The following SGTB variants were observed in gnomAD, a reference collection of about 807,000 sequenced individuals.
SGTB encodes the protein small glutamine-rich tetratricopeptide repeat-containing protein beta.
In SGTB, 19 loss-of-function variants were observed where a neutral mutation model predicts 43.9. The observed-to-expected ratio is 0.43, with a 90% CI of 0.30 to 0.63. SGTB has a LOEUF of 0.63. SGTB is among the 30% of genes least tolerant of loss of function. The probability of loss-of-function intolerance (pLI) is 0.12; values close to 1 mark genes in which losing one functional copy is unlikely to be tolerated. For missense variants in SGTB, 304 were observed against 358.9 expected, an observed-to-expected ratio of 0.85 and a Z score of 1.24; for synonymous variants, 116 against 117.3, an observed-to-expected ratio of 0.99 and a Z score of 0.07.
Position 65,704,397 on chromosome 5 carries a change from T to C in SGTB, c.275-19A>G. 3.2e-6 allele frequency: 5 copies of C among 1,554,214 alleles called. No individual in the cohort carries two copies. Among genetic ancestry groups the C allele is most frequent in the Non-Finnish European group, 4.4e-6 (5 of 1,128,460 alleles). On this transcript the variant is annotated intron_variant, in intron 4 of 10. Coordinates refer to ENST00000381007, the MANE Select transcript of SGTB (RefSeq NM_019072.3). ...TTATTGCCTAAAATAAAGTAACCAG[T>C]ATGTACAGTAAGTATAATATACATT... is the stretch of plus-strand genomic sequence containing the variant.
chr5:65,670,398 A>G, intron 10 of SGTB, 41 bp from the exon 11 acceptor site: 1 of 1,526,042 alleles, frequency 6.6e-7, no homozygotes, highest in Non-Finnish European at 9.1e-7. Context: ...GGGAATTGCC[A>G]GTCACATTTA....
At chr5:65,691,831 C>T (rs1214872086) in intron 5 of SGTB, among the ~76,000 whole-genome samples, 7 of 150,540 alleles carry the variant, frequency 4.6e-5, no homozygotes, top group Non-Finnish European at 1.0e-4. Flanking sequence ...CTCGGGAGGC[C>T]GACGCAGGAG....
At chr5:65,713,152 A>T (rs1231843749) in intron 2 of SGTB, 88 bp from the exon 3 acceptor site, 21 of 901,054 alleles carry the variant, frequency 2.3e-5, no homozygotes, top group South Asian at 1.9e-4. Flanking sequence ...CAATGTATGG[A>T]AATTCAGTAT....
intron 4 of SGTB, among the ~76,000 whole-genome samples, chr5:65,707,395 TACACAC>T (rs35011866): frequency 0.02 from 2,699 of 133,668 alleles, 77 homozygotes; most frequent in African/African-American, 0.065. Context: ...GCTGATTTTA[TACACAC>T]ACACACACAC....
chr5:65,677,493 C>G (rs1209718725), intron 8 of SGTB, among the ~76,000 whole-genome samples: 1 of 152,060 alleles, frequency 6.6e-6, no homozygotes. Context: ...TTCTATGAGG[C>G]CAACATCATC....
At chr5:65,680,592 T>G (rs772347416) in intron 7 of SGTB, 36 bp from the exon 8 acceptor site, 38 of 1,613,940 alleles carry the variant, frequency 2.4e-5, no homozygotes, top group Non-Finnish European at 3.1e-5. Flanking sequence ...CAGTCCAGTA[T>G]CTACAATTAC....
intron 5 of SGTB, among the ~76,000 whole-genome samples, chr5:65,701,323 T>C (rs1757813192): frequency 6.6e-6 from 1 of 152,080 alleles, no homozygotes. Context: ...ATAACAAGTT[T>C]CGAATGGGTT....
intron 4 of SGTB, among the ~76,000 whole-genome samples, chr5:65,706,785 T>C (rs1297069353): frequency 1.3e-5 from 2 of 151,444 alleles, no homozygotes; most frequent in Non-Finnish European, 2.9e-5. Context: ...TGAGCCAAGA[T>C]TGCACCACTG....
chr5:65,721,250 A>C (rs997888894), intron 1 of SGTB, among the ~76,000 whole-genome samples: 3 of 152,234 alleles, frequency 2.0e-5, no homozygotes, highest in African/African-American at 7.2e-5. Context: ...AAAAGTATTA[A>C]TAATGTACAC....
rs770178381 is a variant in SGTB, at chr5:65,716,620, CA to C, written c.101-3557del. On this transcript the variant is annotated intron_variant, in intron 2 of 10. Coordinates refer to ENST00000381007, the MANE Select transcript of SGTB (RefSeq NM_019072.3). The stretch of plus-strand genomic sequence containing the variant: ...ATACCCAAGTTTCTGGCCTGAGCAA[CA>C]GAAAAGATGACGCTGACATAAACAG... 2.1e-4 allele frequency among the ~76,000 whole-genome samples: 32 copies of C among 152,158 alleles called. 1 individual carries two copies. The highest frequency in any genetic ancestry group is 7.7e-4 in the East Asian group (4 of 5,184).
Position 65,671,893 on chromosome 5 carries a change from TTC to T in SGTB, c.803+20_803+21del. On this transcript the variant is annotated intron_variant, in intron 10 of 10. Coordinates refer to ENST00000381007, the MANE Select transcript of SGTB (RefSeq NM_019072.3). Reference sequence around the variant, plus strand: ...AAAACATAAAATACATCTTCACTATTTCTGTTTTAAATAATACTTACGCTTGG... The same window carrying T: ...AAAACATAAAATACATCTTCACTATTTGTTTTAAATAATACTTACGCTTGG... 6.2e-7 allele frequency: 1 copy of T among 1,607,832 alleles called. No individual in the cohort carries two copies. Among genetic ancestry groups the T allele is most frequent in the Admixed American group, 1.7e-5 (1 of 59,570 alleles).
At chr5:65,673,233 C>T (rs150395724) in intron 8 of SGTB, among the ~76,000 whole-genome samples, 1 of 152,296 alleles carries the variant, frequency 6.6e-6, no homozygotes, top group East Asian at 1.9e-4. Flanking sequence ...CAATCAAATA[C>T]ATAAAGCTTC....
At chr5:65,683,680 T>A (rs1472869965) in intron 6 of SGTB, among the ~76,000 whole-genome samples, 1 of 39,544 alleles carries the variant, frequency 2.5e-5, no homozygotes, top group Non-Finnish European at 5.7e-5. Flanking sequence ...AATAAGTTAA[T>A]AGTGGCCTGT....
chr5:65,704,367 T>A lies in SGTB; in HGVS notation c.286A>T (p.Met96Leu). 1 of 1,611,656 alleles carries A rather than the reference T, an allele frequency of 6.2e-7. No individual in the cohort carries two copies. The highest frequency in any genetic ancestry group is 8.5e-7 in the Non-Finnish European group (1 of 1,178,828). The change falls in exon 5 of 11, where the codon ATG becomes TTG. Residue 96 changes from methionine to leucine, a missense_variant. By Grantham distance (15) the Met-to-Leu change is conservative. Coordinates refer to ENST00000381007, the MANE Select transcript of SGTB (RefSeq NM_019072.3). ...GCAGCAGCATAATTTTCTTCTTTCA[T>A]GTGGTTATTGCCTAAAATAAAGTAA... ...DQLKDEGNNH[M>L]KEENYAAAVD...
chr5:65,694,693 G>T (rs891366916), intron 5 of SGTB, among the ~76,000 whole-genome samples: 1 of 151,990 alleles, frequency 6.6e-6, no homozygotes. Flanking sequence ...GGCCAGGCTG[G>T]TCTCAAACTC....
In SGTB at chr5:65,669,982, C is replaced by A; in HGVS notation, c.*264G>T. On this transcript the variant is annotated 3_prime_UTR_variant, in exon 11 of 11. Coordinates refer to ENST00000381007, the MANE Select transcript of SGTB (RefSeq NM_019072.3). Reference sequence around the variant, plus strand: ...TATGATAGAAGTTTGAAAATGGAACCTTATCCCAGTGCTATATTGGCACGT... The same window carrying A: ...TATGATAGAAGTTTGAAAATGGAACATTATCCCAGTGCTATATTGGCACGT... 3.0e-6 allele frequency: 1 copy of A among 338,518 alleles called. No homozygotes were observed. The highest frequency in any genetic ancestry group is 5.3e-6 in the Non-Finnish European group (1 of 187,392). The allele number at this position is 338,518 out of a possible 1,614,324, so 21.0% of individuals were successfully genotyped here. A position where few individuals can be genotyped will look rare whatever the true frequency, so the allele number is the denominator to read the frequency against.
chr5:65,684,170 G>A (rs781332917), intron 6 of SGTB, among the ~76,000 whole-genome samples: 8 of 151,124 alleles, frequency 5.3e-5, no homozygotes, highest in Admixed American at 1.3e-4. Flanking sequence ...CCACAGCCTC[G>A]ACTTCCCAGA....
At chr5:65,715,823 G>A (rs1758136278) in intron 2 of SGTB, among the ~76,000 whole-genome samples, 1 of 152,220 alleles carries the variant, frequency 6.6e-6, no homozygotes, top group Non-Finnish European at 1.5e-5. Flanking sequence ...AGGCTGGAGT[G>A]CAGTGGCGTA....
chr5:65,719,804 C>T (rs1325753323), intron 2 of SGTB, among the ~76,000 whole-genome samples: 1 of 152,094 alleles, frequency 6.6e-6, no homozygotes, highest in African/African-American at 2.4e-5. Context: ...TTACCGAATC[C>T]AATATTAAAG....
Sources: gnomAD v4.1 joint callset for allele counts (sites outside exome capture counted in the v4.1 genomes callset) on GRCh38, gnomAD v4.1.1 for gene constraint, MANE v1.5 for transcripts, NCBI Gene and HGNC (gene_info 2026-07-23, HGNC 2026-07-21) for gene names.